Variants in LRMDA observed in about 807,000 individuals in gnomAD.
The protein encoded by LRMDA is leucine-rich melanocyte differentiation-associated protein.
Under a neutral mutation model 29.8 loss-of-function variants are expected in LRMDA, and 18 were observed. The ratio of observed to expected loss-of-function variants is 0.60; its 90% confidence interval spans 0.42 to 0.90. The LOEUF is 0.90. LRMDA is among the 40% of genes least tolerant of loss of function. LRMDA has a pLI of 0.00. For synonymous variants in LRMDA, 125 were observed against 109.4 expected (o/e 1.14, Z -0.89); for missense variants, 273 against 273.9 (o/e 1.00, Z 0.02).
chr10:75,904,828 G>A (rs528368302), intron 2 of LRMDA, among the ~76,000 whole-genome samples: 6 of 152,252 alleles, frequency 3.9e-5, no homozygotes, highest in Admixed American at 1.3e-4. Context: ...GTTAATTCTC[G>A]TGACCTGTGT....
intron 5 of LRMDA, among the ~76,000 whole-genome samples, chr10:76,143,872 A>G (rs1850256802): frequency 6.6e-6 from 1 of 152,166 alleles, no homozygotes; most frequent in Non-Finnish European, 1.5e-5. Flanking sequence ...TTTTTGTATA[A>G]GTTGTAAGGA....
At chr10:76,029,524 T>C (rs1848115094) in intron 2 of LRMDA, among the ~76,000 whole-genome samples, 1 of 152,200 alleles carries the variant, frequency 6.6e-6, no homozygotes, top group African/African-American at 2.4e-5. Context: ...TACAGGTTCC[T>C]GAGAGCTATC....
At chr10:76,413,473 C>CCT (rs908901354) in intron 6 of LRMDA, among the ~76,000 whole-genome samples, 4 of 152,080 alleles carry the variant, frequency 2.6e-5, no homozygotes, top group Non-Finnish European at 5.9e-5. Context: ...GGGGTAATCC[C>CCT]TTACAAAACC....
At chr10:76,403,589 C>T (rs1841871996) in intron 6 of LRMDA, among the ~76,000 whole-genome samples, 1 of 152,062 alleles carries the variant, frequency 6.6e-6, no homozygotes, top group South Asian at 2.1e-4. Context: ...TTTTTTCCTT[C>T]ATAAAGCTAA....
intron 2 of LRMDA, among the ~76,000 whole-genome samples, chr10:75,931,063 A>C (rs927122978): frequency 1.4e-4 from 21 of 152,208 alleles, no homozygotes; most frequent in African/African-American, 5.1e-4. Flanking sequence ...CAGACAAGAG[A>C]CAATTATGCC....
At chr10:76,019,627 G>A (rs1205700970) in intron 2 of LRMDA, among the ~76,000 whole-genome samples, 1 of 152,120 alleles carries the variant, frequency 6.6e-6, no homozygotes, top group African/African-American at 2.4e-5. Flanking sequence ...AAAAAGGAAT[G>A]TTCCTGAGGC....
chr10:75,748,147 G>T (rs933095774), intron 2 of LRMDA, among the ~76,000 whole-genome samples: 6 of 152,024 alleles, frequency 3.9e-5, no homozygotes, highest in African/African-American at 1.5e-4. Context: ...AGGCTGGAGT[G>T]CAGTGGCATC....
At chr10:76,506,742 T>C (rs887255711) in intron 6 of LRMDA, among the ~76,000 whole-genome samples, 1 of 151,566 alleles carries the variant, frequency 6.6e-6, no homozygotes, top group Admixed American at 6.6e-5. Flanking sequence ...TTTTTGTGCC[T>C]GGCTTATTTA....
intron 2 of LRMDA, among the ~76,000 whole-genome samples, chr10:75,772,858 G>T (rs1408197693): frequency 1.7e-5 from 2 of 118,196 alleles, no homozygotes; most frequent in South Asian, 4.4e-4. Context: ...TATTTTTTGG[G>T]GGGGGTGGGA....
chr10:76,034,972 C>G (rs1848216174), intron 2 of LRMDA, among the ~76,000 whole-genome samples: 1 of 152,050 alleles, frequency 6.6e-6, no homozygotes, highest in Non-Finnish European at 1.5e-5. Context: ...CTGTGTGCGC[C>G]CAGGCAAGCA....
At chr10:76,332,261 G>C (rs1049626785) in intron 6 of LRMDA, among the ~76,000 whole-genome samples, 1 of 152,228 alleles carries the variant, frequency 6.6e-6, no homozygotes, top group African/African-American at 2.4e-5. Context: ...GAATCTGTTA[G>C]ACTATTACCA....
intron 2 of LRMDA, among the ~76,000 whole-genome samples, chr10:75,789,156 C>T (rs1301829761): frequency 6.6e-6 from 1 of 152,182 alleles, no homozygotes; most frequent in Non-Finnish European, 1.5e-5. Flanking sequence ...TGACTTTGGC[C>T]AGCTTACTTA....
chr10:75,449,511 TG>T (rs1844434621), intron 2 of LRMDA, among the ~76,000 whole-genome samples: 1 of 142,236 alleles, frequency 7.0e-6, no homozygotes, highest in Non-Finnish European at 1.5e-5. Flanking sequence ...GGGTGGGGAT[TG>T]GGAGGGAAGT....
In LRMDA at chr10:75,551,088, A is replaced by G. The variant is rs1003631869; in HGVS notation, c.131+112594A>G. ...TGTTTTTTTTACTTGATTAATAGGA[A>G]AATGAAAATATTCTGTTTAAATATT... On this transcript the variant is annotated intron_variant, in intron 2 of 6. Transcript: ENST00000611255. Among the ~76,000 whole-genome samples, 3 of 151,852 alleles carry G rather than the reference A, an allele frequency of 2.0e-5. No homozygotes were observed. In the East Asian group the frequency reaches 5.8e-4, roughly 29 times the overall value.
intron 3 of LRMDA, 138 bp from the exon 4 acceptor site, chr10:76,047,026 C>T (rs938949706): frequency 1.2e-5 from 11 of 917,572 alleles, no homozygotes; most frequent in East Asian, 5.0e-5. Flanking sequence ...ATACCGTATA[C>T]CCACAGCTGA....
intron 6 of LRMDA, among the ~76,000 whole-genome samples, chr10:76,412,696 A>G (rs1841975629): frequency 6.6e-6 from 1 of 152,170 alleles, no homozygotes; most frequent in South Asian, 2.1e-4. Context: ...TGTTGAACCT[A>G]TACAATATTC....
intron 2 of LRMDA, among the ~76,000 whole-genome samples, chr10:75,562,301 C>G (rs2132063153): frequency 6.6e-6 from 1 of 152,166 alleles, no homozygotes. Context: ...TTCTTTGTCT[C>G]TTTTGATCTT....
intron 2 of LRMDA, among the ~76,000 whole-genome samples, chr10:75,672,521 TTTTCC>T (rs1564536222): frequency 2.6e-3 from 70 of 26,530 alleles, no homozygotes; most frequent in East Asian, 0.014. Context: ...TTTTCTTTTC[TTTTCC>T]TCCCCTCCCC....
At chr10:75,821,482 C>A (rs1473549959) in intron 2 of LRMDA, among the ~76,000 whole-genome samples, 1 of 152,134 alleles carries the variant, frequency 6.6e-6, no homozygotes, top group African/African-American at 2.4e-5. Flanking sequence ...TGATAAAACC[C>A]TTACTGGCTG....
Sources: gnomAD v4.1 joint callset for allele counts (sites outside exome capture counted in the v4.1 genomes callset) on GRCh38, gnomAD v4.1.1 for gene constraint, MANE v1.5 for transcripts, NCBI Gene and HGNC (gene_info 2026-07-23, HGNC 2026-07-21) for gene names.